SYN3: variants seen among roughly 807,000 people sequenced by gnomAD.
SYN3 encodes the protein synapsin III.
Under a neutral mutation model 65.8 loss-of-function variants are expected in SYN3, and 35 were observed. That is an observed-to-expected ratio of 0.53 (90% CI 0.41 to 0.70). The LOEUF (loss-of-function observed/expected upper bound fraction) is 0.70. SYN3 is among the 30% of genes least tolerant of loss of function. SYN3 has a pLI of 0.00. For synonymous variants in SYN3, 270 were observed against 292.9 expected, an observed-to-expected ratio of 0.92 and a Z score of 0.80; for missense variants, 680 against 749.0, an observed-to-expected ratio of 0.91 and a Z score of 1.08.
chr22:32,750,253 G>A (rs960866874), intron 6 of SYN3, among the ~76,000 whole-genome samples: 2 of 152,218 alleles, frequency 1.3e-5, no homozygotes, highest in African/African-American at 4.8e-5. Flanking sequence ...TTTCAACAGT[G>A]CAGCCAGGGA....
chr22:32,543,227 A>G (rs1170557051), intron 7 of SYN3, among the ~76,000 whole-genome samples: 1 of 152,182 alleles, frequency 6.6e-6, no homozygotes, highest in African/African-American at 2.4e-5. Context: ...CCCAAACAGG[A>G]TTGTGAGCAG....
intron 3 of SYN3, among the ~76,000 whole-genome samples, chr22:32,957,973 CA>C (rs1010618361): frequency 1.2e-4 from 18 of 152,156 alleles, no homozygotes; most frequent in African/African-American, 4.1e-4. Flanking sequence ...GGGACAGTGT[CA>C]GGGAAAAGAA....
chr22:33,055,806 G>C (rs760597230), intron 1 of SYN3, among the ~76,000 whole-genome samples: 6 of 152,138 alleles, frequency 3.9e-5, no homozygotes, highest in African/African-American at 1.4e-4. Flanking sequence ...ACTTGCTTTT[G>C]ATGAATCCAA....
chr22:32,755,092 G>C (rs73408914), intron 6 of SYN3, among the ~76,000 whole-genome samples: 5,599 of 152,292 alleles, frequency 0.037, 341 homozygotes, highest in African/African-American at 0.13. Context: ...GCTGGGAACT[G>C]GTCTGGGGAA....
At chr22:32,672,379 A>G (rs997102500) in intron 6 of SYN3, among the ~76,000 whole-genome samples, 6 of 152,332 alleles carry the variant, frequency 3.9e-5, no homozygotes, top group African/African-American at 1.2e-4. Flanking sequence ...GATGCATGGT[A>G]TGTTTTGGTT....
chr22:33,045,718 TC>T lies in SYN3; in HGVS notation c.-163+12573del, dbSNP rs138537375. On this transcript the variant is annotated intron_variant, in intron 1 of 13. Transcript: ENST00000358763. ...ACCTTGTGATCCGCACACCTCGGCCTCCCAAAGTGCTGGGCCTACTTTCAAA... is the reference window on the plus strand; with the variant it reads ...ACCTTGTGATCCGCACACCTCGGCCTCCAAAGTGCTGGGCCTACTTTCAAA... Among the ~76,000 whole-genome samples, 199 of 152,146 alleles carry T rather than the reference TC, an allele frequency of 1.3e-3. No individual in the cohort carries two copies. The Middle Eastern group carries it at 0.014, about 10-fold the overall frequency.
rs1329665042 is a variant in SYN3 at position 32,512,717 on chromosome 22, CAG to C, written c.*973_*974del. 5 of 152,232 alleles carry C rather than the reference CAG, an allele frequency of 3.3e-5. No individual in the cohort carries two copies. The highest frequency in any genetic ancestry group is 7.3e-5 in the Non-Finnish European group (5 of 68,046). 9.4% of individuals were successfully genotyped at this position (152,232 alleles called of 1,614,324 possible). A position where few individuals can be genotyped will look rare whatever the true frequency, so the allele number is the denominator to read the frequency against. Reference sequence around the variant, plus strand: ...AGTAACCTACCAATACCTTGCTGTACAGAGTTTGTGAAATGCCAAACTAGAAG... The same window carrying C: ...AGTAACCTACCAATACCTTGCTGTACAGTTTGTGAAATGCCAAACTAGAAG... On this transcript the variant is annotated 3_prime_UTR_variant, in exon 14 of 14. Transcript: ENST00000358763.
chr22:32,938,493 G>A (rs1399623693), intron 3 of SYN3, among the ~76,000 whole-genome samples: 2 of 147,674 alleles, frequency 1.4e-5, no homozygotes, highest in African/African-American at 5.0e-5. Flanking sequence ...TCGCGCCACT[G>A]CACTCCAGCC....
At chr22:32,809,139 T>A (rs2046843245) in intron 6 of SYN3, among the ~76,000 whole-genome samples, 1 of 152,236 alleles carries the variant, frequency 6.6e-6, no homozygotes, top group African/African-American at 2.4e-5. Flanking sequence ...TGCCTATCAG[T>A]CATCCCAGCT....
At chr22:33,036,576 A>G (rs2053862782) in intron 1 of SYN3, among the ~76,000 whole-genome samples, 1 of 150,150 alleles carries the variant, frequency 6.7e-6, no homozygotes, top group Non-Finnish European at 1.5e-5. Flanking sequence ...GCTTCCCCAT[A>G]TATTTACTTT....
intron 6 of SYN3, among the ~76,000 whole-genome samples, chr22:32,616,664 C>A (rs891142097): frequency 1.3e-5 from 2 of 152,066 alleles, no homozygotes; most frequent in African/African-American, 4.8e-5. Flanking sequence ...GGACCCAGAC[C>A]CTACCCTCGA....
At chr22:32,711,406 T>TTTC (rs2060963659) in intron 6 of SYN3, among the ~76,000 whole-genome samples, 3 of 152,168 alleles carry the variant, frequency 2.0e-5, no homozygotes, top group Non-Finnish European at 4.4e-5. Flanking sequence ...GGTCATTAAC[T>TTTC]AAAGGGTGAC....
At chr22:32,973,519 T>C (rs2146948231) in intron 3 of SYN3, among the ~76,000 whole-genome samples, 1 of 152,346 alleles carries the variant, frequency 6.6e-6, no homozygotes, top group Non-Finnish European at 1.5e-5. Flanking sequence ...TGCCACAGCA[T>C]TTCCAGCACA....
chr22:32,951,847 T>C (rs1021111763), intron 3 of SYN3, among the ~76,000 whole-genome samples: 2 of 152,242 alleles, frequency 1.3e-5, no homozygotes, highest in African/African-American at 2.4e-5. Context: ...CTTCCCGGTC[T>C]TGTGCACACC....
intron 1 of SYN3, among the ~76,000 whole-genome samples, chr22:33,012,158 T>TC (rs1332102290): frequency 6.6e-6 from 1 of 152,198 alleles, no homozygotes; most frequent in Non-Finnish European, 1.5e-5. Flanking sequence ...ACTCTTTTTT[T>TC]CCCCAATATA....
chr22:32,843,036 C>G (rs2047957949), intron 6 of SYN3, among the ~76,000 whole-genome samples: 1 of 152,086 alleles, frequency 6.6e-6, no homozygotes, highest in Non-Finnish European at 1.5e-5. Context: ...GTGTGAAATC[C>G]CATGTAAAGG....
intron 3 of SYN3, among the ~76,000 whole-genome samples, chr22:32,948,194 G>A (rs1349942554): frequency 1.3e-5 from 2 of 152,168 alleles, no homozygotes; most frequent in African/African-American, 4.8e-5. Context: ...ATGGGGTCTA[G>A]TTGGATACTG....
Position 32,513,154 on chromosome 22 carries a change from C to T in SYN3, c.*538G>A, listed in dbSNP as rs939449225. On this transcript the variant is annotated 3_prime_UTR_variant, in exon 14 of 14. Transcript: ENST00000358763. Reference sequence around the variant, plus strand: ...TTGCCTGCCTGGTCTAAGGGCGGGTCTTGAGCGTGGATGGAACTAGCGTGG... The same window carrying T: ...TTGCCTGCCTGGTCTAAGGGCGGGTTTTGAGCGTGGATGGAACTAGCGTGG... The T allele has an allele frequency of 2.6e-5, 4 of 152,664 alleles. No homozygotes were observed. Among genetic ancestry groups the T allele is most frequent in the African/African-American group, 9.7e-5 (4 of 41,382 alleles). 9.5% of individuals were successfully genotyped at this position (152,664 alleles called of 1,614,324 possible). A position where few individuals can be genotyped will look rare whatever the true frequency, so the allele number is the denominator to read the frequency against.
intron 7 of SYN3, among the ~76,000 whole-genome samples, chr22:32,589,045 A>C (rs75199388): frequency 0.016 from 2,370 of 152,310 alleles, 67 homozygotes; most frequent in African/African-American, 0.055. Context: ...ATGGGTATAA[A>C]TATGACTGAA....
Sources: allele counts gnomAD v4.1 joint callset (sites outside exome capture counted in the v4.1 genomes callset), GRCh38; gene constraint gnomAD v4.1.1; transcripts MANE v1.5; gene names NCBI Gene and HGNC (gene_info 2026-07-23, HGNC 2026-07-21).